The following ANO3 variants were observed in gnomAD, a reference collection of about 807,000 sequenced individuals.
ANO3 encodes anoctamin-3.
Under a neutral mutation model 144.8 loss-of-function variants are expected in ANO3, and 99 were observed. The ratio of observed to expected loss-of-function variants is 0.68; its 90% CI spans 0.58 to 0.81. ANO3 has a LOEUF of 0.81. Ranked by LOEUF, ANO3 falls within the 30% of genes least tolerant of loss-of-function variation. The pLI, the probability that ANO3 is intolerant of heterozygous loss-of-function variation, is 0.00. For missense variants in ANO3, 905 were observed against 1,202.2 expected (o/e 0.75, Z 3.66); for synonymous variants, 414 against 392.6 (o/e 1.05, Z -0.64).
At chr11:26,550,674 A>G (rs67660893) in intron 12 of ANO3, among the ~76,000 whole-genome samples, 13,933 of 152,036 alleles carry the variant, frequency 0.092, 691 homozygotes, top group East Asian at 0.14. Context: ...TCATCAGTCA[A>G]TAAACATTTG....
intron 7 of ANO3, among the ~76,000 whole-genome samples, chr11:26,526,558 T>C (rs1454828205): frequency 1.3e-5 from 2 of 152,168 alleles, no homozygotes; most frequent in African/African-American, 4.8e-5. Context: ...AGGAAATGAT[T>C]CAATAAATCT....
At chr11:26,210,381 CT>C (rs1055156960) in intron 1 of ANO3, among the ~76,000 whole-genome samples, 21 of 152,328 alleles carry the variant, frequency 1.4e-4, no homozygotes, top group African/African-American at 5.0e-4. Context: ...GTTTTGGTTA[CT>C]GTAGCCTTGT....
At chr11:26,644,897 A>G (rs1222914019) in intron 23 of ANO3, among the ~76,000 whole-genome samples, 3 of 152,036 alleles carry the variant, frequency 2.0e-5, no homozygotes, top group East Asian at 1.9e-4. Context: ...ATGTGTGTGT[A>G]CATATATATA....
At chr11:26,260,843 C>T (rs1403915954) in intron 1 of ANO3, among the ~76,000 whole-genome samples, 1 of 151,938 alleles carries the variant, frequency 6.6e-6, no homozygotes, top group African/African-American at 2.4e-5. Flanking sequence ...TTTTGTTAAG[C>T]CTGAAGGTTC....
chr11:26,535,915 T>C (rs1361270601), intron 9 of ANO3, among the ~76,000 whole-genome samples: 1 of 152,018 alleles, frequency 6.6e-6, no homozygotes, highest in African/African-American at 2.4e-5. Flanking sequence ...ACCTTCAGAC[T>C]GTTGTTCTTC....
In ANO3 at chr11:26,598,080, T is replaced by G. The variant is rs1235942904; in HGVS notation, c.1448-285T>G. On this transcript the variant is annotated intron_variant, in intron 14 of 26. Coordinates refer to ENST00000256737, the MANE Select transcript of ANO3 (RefSeq NM_031418.4). ...CATATGCAGGTCAAAATGGTCAATATTTAGCTCAGTAATATTGATTGCATC... is the reference window on the plus strand; with the variant it reads ...CATATGCAGGTCAAAATGGTCAATAGTTAGCTCAGTAATATTGATTGCATC... 2.6e-5 allele frequency among the ~76,000 whole-genome samples: 4 copies of G among 152,296 alleles called. No individual in the cohort carries two copies. In the East Asian group the frequency reaches 7.7e-4, roughly 29 times the overall value.
At chr11:26,331,681 G>C (rs1214306930), upstream of ANO3, 1 of 152,486 alleles carries the variant, frequency 6.6e-6, no homozygotes, top group Non-Finnish European at 1.5e-5. Context: ...AAAAGTGCTA[G>C]ACATAGAACA....
At chr11:26,616,436 GTTTT>G (rs35002566) in intron 17 of ANO3, among the ~76,000 whole-genome samples, 2 of 137,446 alleles carry the variant, frequency 1.5e-5, no homozygotes, top group Non-Finnish European at 3.1e-5. Context: ...TGCGTTTCTG[GTTTT>G]TTTTTTTTTT....
At chr11:26,649,177 A>G (rs1348845875) in intron 24 of ANO3, among the ~76,000 whole-genome samples, 3 of 152,208 alleles carry the variant, frequency 2.0e-5, no homozygotes, top group African/African-American at 7.2e-5. Context: ...AGCAAAAACA[A>G]AACGAGACTA....
intron 4 of ANO3, among the ~76,000 whole-genome samples, chr11:26,492,540 T>C (rs1354014877): frequency 3.9e-5 from 6 of 152,204 alleles, no homozygotes; most frequent in Non-Finnish European, 5.9e-5. Flanking sequence ...CCACTTGTTT[T>C]AATAAAGTAC....
intron 1 of ANO3, among the ~76,000 whole-genome samples, chr11:26,317,853 C>A (rs1344935630): frequency 6.6e-6 from 1 of 152,098 alleles, no homozygotes; most frequent in Non-Finnish European, 1.5e-5. Context: ...GACTTGGAAC[C>A]AACCCAAATG....
At chr11:26,388,349 A>C (rs1856788913) in intron 1 of ANO3, among the ~76,000 whole-genome samples, 1 of 152,138 alleles carries the variant, frequency 6.6e-6, no homozygotes, top group African/African-American at 2.4e-5. Context: ...AGTGACTGTA[A>C]GTCCTTTATG....
chr11:26,438,784 A>G (rs1162661912), intron 1 of ANO3, among the ~76,000 whole-genome samples: 1 of 151,658 alleles, frequency 6.6e-6, no homozygotes, highest in Admixed American at 6.6e-5. Flanking sequence ...GTCTCAAAAA[A>G]AAAAAAAAAA....
intron 17 of ANO3, among the ~76,000 whole-genome samples, chr11:26,609,105 A>G (rs11029642): frequency 0.13 from 19,445 of 152,102 alleles, 1,451 homozygotes; most frequent in Admixed American, 0.22. Context: ...ATGGGTTGCA[A>G]TAGTTCCGTG....
At chr11:26,283,284 A>T (rs1214321834) in intron 1 of ANO3, among the ~76,000 whole-genome samples, 1 of 136,860 alleles carries the variant, frequency 7.3e-6, no homozygotes, top group Non-Finnish European at 1.6e-5. Flanking sequence ...CCAATCTGTT[A>T]GCATAACCAT....
At chr11:26,189,142 AACTTT>A (rs1452365745) in exon 1 of ANO3, 3 of 949,302 alleles carry the variant, frequency 3.2e-6, no homozygotes, top group African/African-American at 1.8e-5. Flanking sequence ...CAATAGTGTG[AACTTT>A]ACTTTACATA....
chr11:26,474,342 A>G (rs1448989725), intron 4 of ANO3, among the ~76,000 whole-genome samples: 1 of 151,948 alleles, frequency 6.6e-6, no homozygotes, highest in Non-Finnish European at 1.5e-5. Context: ...CATGTAAACC[A>G]AATATCACCT....
At chr11:26,234,350 C>T (rs1391016407) in intron 1 of ANO3, among the ~76,000 whole-genome samples, 1 of 152,046 alleles carries the variant, frequency 6.6e-6, no homozygotes, top group Non-Finnish European at 1.5e-5. Flanking sequence ...CTTAGATATG[C>T]CATATATTTT....
At chr11:26,582,565 A>G (rs1000816118) in intron 14 of ANO3, among the ~76,000 whole-genome samples, 5 of 152,166 alleles carry the variant, frequency 3.3e-5, no homozygotes, top group Non-Finnish European at 7.4e-5. Context: ...TTTCCTTTGT[A>G]AATTAACAAT....
Sources: allele counts gnomAD v4.1 joint callset (sites outside exome capture counted in the v4.1 genomes callset), GRCh38; gene constraint gnomAD v4.1.1; transcripts MANE v1.5; gene names NCBI Gene and HGNC (gene_info 2026-07-23, HGNC 2026-07-21).